The following ACBD6 variants were observed in gnomAD, a reference collection of about 807,000 sequenced individuals.
ACBD6 encodes acyl-CoA binding domain containing 6.
Under a neutral mutation model 37.2 loss-of-function variants are expected in ACBD6, and 28 were observed. The observed-to-expected ratio is 0.75, with a 90% CI of 0.56 to 1.03. The LOEUF (loss-of-function observed/expected upper bound fraction) is 1.03, where lower values mean the gene tolerates loss of function less well. Ranked by LOEUF, ACBD6 falls within the 50% of genes least tolerant of loss-of-function variation. ACBD6 has a pLI of 0.00. For synonymous variants in ACBD6, 113 were observed against 126.8 expected, an observed-to-expected ratio of 0.89 and a Z score of 0.73; for missense variants, 340 against 337.4, an observed-to-expected ratio of 1.01 and a Z score of -0.06.
intron 3 of ACBD6, among the ~76,000 whole-genome samples, chr1:180,437,842 G>T (rs1649107892): frequency 6.6e-6 from 1 of 152,174 alleles, no homozygotes; most frequent in African/African-American, 2.4e-5. Flanking sequence ...AAAGACAAAG[G>T]AAGTGAAGAA....
intron 7 of ACBD6, among the ~76,000 whole-genome samples, chr1:180,298,027 G>A (rs1312552222): frequency 2.0e-5 from 3 of 152,226 alleles, no homozygotes; most frequent in Non-Finnish European, 2.9e-5. Flanking sequence ...TAACAGGCAT[G>A]AGCCACTGTG....
At chr1:180,379,651 G>A (rs907015108) in intron 6 of ACBD6, among the ~76,000 whole-genome samples, 1 of 151,772 alleles carries the variant, frequency 6.6e-6, no homozygotes, top group Non-Finnish European at 1.5e-5. Flanking sequence ...AGATCAAACA[G>A]AAGAAAAAAA....
At chr1:180,374,545 T>C (rs1653367031) in intron 6 of ACBD6, among the ~76,000 whole-genome samples, 1 of 151,682 alleles carries the variant, frequency 6.6e-6, no homozygotes, top group African/African-American at 2.4e-5. Context: ...ACTGACAAAA[T>C]GTATTGTGTT....
intron 6 of ACBD6, among the ~76,000 whole-genome samples, chr1:180,385,990 T>G (rs1653832347): frequency 6.6e-6 from 1 of 152,064 alleles, no homozygotes; most frequent in African/African-American, 2.4e-5. Flanking sequence ...GCCAACATGG[T>G]GAAACCCTGT....
At chr1:180,271,199 G>A (rs909275050) in exon 14 of ACBD6, 10 of 690,848 alleles carry the variant, frequency 1.4e-5, no homozygotes, top group South Asian at 3.2e-5. Flanking sequence ...GGGAAGGCCC[G>A]TGGTGCAGGA....
At chr1:180,460,588 T>C (rs532255734) in intron 3 of ACBD6, among the ~76,000 whole-genome samples, 15 of 152,362 alleles carry the variant, frequency 9.8e-5, no homozygotes, top group Non-Finnish European at 2.1e-4. Flanking sequence ...GCTGCCATCT[T>C]TGCTGTTTCA....
At chr1:180,433,150 T>C (rs1314647674) in intron 3 of ACBD6, among the ~76,000 whole-genome samples, 1 of 152,126 alleles carries the variant, frequency 6.6e-6, no homozygotes, top group African/African-American at 2.4e-5. Flanking sequence ...CAACTAAATA[T>C]TAATAAACTG....
chr1:180,389,928 A>C (rs1654006331), intron 6 of ACBD6, among the ~76,000 whole-genome samples: 2 of 152,034 alleles, frequency 1.3e-5, no homozygotes, highest in South Asian at 4.2e-4. Context: ...GTAGGTTGCG[A>C]AAATTTTCTC....
intron 7 of ACBD6, among the ~76,000 whole-genome samples, chr1:180,308,896 T>G (rs1329824822): frequency 3.3e-5 from 5 of 152,220 alleles, no homozygotes; most frequent in African/African-American, 1.2e-4. Flanking sequence ...CAGCAAATAG[T>G]AGGCATTCAA....
At chr1:180,469,029 A>G in intron 3 of ACBD6, among the ~76,000 whole-genome samples, 1 of 152,200 alleles carries the variant, frequency 6.6e-6, no homozygotes, top group East Asian at 1.9e-4. Flanking sequence ...GCTCAAATTT[A>G]TTTTATTACT....
At chr1:180,499,182 C>G (rs1436413008) in intron 1 of ACBD6, among the ~76,000 whole-genome samples, 1 of 152,132 alleles carries the variant, frequency 6.6e-6, no homozygotes, top group Admixed American at 6.6e-5. Flanking sequence ...AAATAGGGTG[C>G]TATTCTGAAT....
At position 180,363,469 on chromosome 1, in the gene ACBD6, AGTTT is replaced by A. The variant is rs1652921856; in HGVS notation, c.663+34043_663+34046del. 2.0e-5 allele frequency among the ~76,000 whole-genome samples: 3 copies of A among 152,372 alleles called. No homozygotes were observed. In the South Asian group the frequency reaches 6.2e-4, roughly 32 times the overall value. ...GTCAAAGCTTTCAGTGAGGCAAGTT[AGTTT>A]ACTTTTGAGTTCCTTATTTTGTTTT... On this transcript the variant is annotated intron_variant, in intron 6 of 7. Coordinates refer to ENST00000367595, the MANE Select transcript of ACBD6 (RefSeq NM_032360.4).
exon 14 of ACBD6, chr1:180,271,402 G>A (rs1648647824): frequency 1.2e-6 from 2 of 1,614,194 alleles, no homozygotes; most frequent in Admixed American, 3.3e-5. Flanking sequence ...CTGGAGCTAA[G>A]CGGCCCCGGA....
chr1:180,274,112 CCTAGGTTGTGAAGAGCAGGGG>C lies in ACBD6; in HGVS notation c.*937-21_*937-1del, dbSNP rs1648869555. ...GGCATCTTTCCTGGTCATGTGTGTT[CCTAGGTTGTGAAGAGCAGGGG>C]ACCATCAGAGTCCTGGCAGCTGACA... is the stretch of plus-strand genomic sequence containing the variant. On this transcript the variant is annotated splice_acceptor_variant and splice_polypyrimidine_tract_variant and intron_variant, in intron 10 of 13. Coordinates refer to the ACBD6 transcript ENST00000642319. LOFTEE classifies it low-confidence loss of function (3UTR_SPLICE). 2.5e-6 allele frequency: 4 copies of C among 1,580,554 alleles called. No individual in the cohort carries two copies. The highest frequency in any genetic ancestry group is 3.5e-6 in the Non-Finnish European group (4 of 1,150,634).
chr1:180,327,801 G>A (rs978020926), intron 6 of ACBD6, among the ~76,000 whole-genome samples: 15 of 152,274 alleles, frequency 9.9e-5, no homozygotes, highest in African/African-American at 3.4e-4. Context: ...GTTACTAGCT[G>A]CAAAATCACT....
At chr1:180,433,464 T>C (rs1482972050) in intron 3 of ACBD6, among the ~76,000 whole-genome samples, 2 of 152,202 alleles carry the variant, frequency 1.3e-5, no homozygotes, top group Non-Finnish European at 2.9e-5. Context: ...GAAAGCTTTC[T>C]TTCTAAGATC....
chr1:180,390,828 C>A (rs1324886753), intron 6 of ACBD6, among the ~76,000 whole-genome samples: 1 of 152,060 alleles, frequency 6.6e-6, no homozygotes, highest in African/African-American at 2.4e-5. Flanking sequence ...CAAAAATGAA[C>A]ACACTGATCC....
intron 3 of ACBD6, among the ~76,000 whole-genome samples, chr1:180,431,501 A>C (rs1160805711): frequency 6.6e-6 from 1 of 152,194 alleles, no homozygotes; most frequent in Non-Finnish European, 1.5e-5. Flanking sequence ...AATTTCTGGG[A>C]TAGATAATGT....
chr1:180,415,601 A>G (rs1485833893), intron 4 of ACBD6, among the ~76,000 whole-genome samples: 1 of 152,310 alleles, frequency 6.6e-6, no homozygotes, highest in Non-Finnish European at 1.5e-5. Context: ...CTACTCGCCA[A>G]TTGTTTCTGA....
Sources: gnomAD v4.1 joint callset for allele counts (sites outside exome capture counted in the v4.1 genomes callset) on GRCh38, gnomAD v4.1.1 for gene constraint, MANE v1.5 for transcripts, NCBI Gene and HGNC (gene_info 2026-07-23, HGNC 2026-07-21) for gene names.